The following SNTG1 variants were observed in gnomAD, a reference collection of about 807,000 sequenced individuals.
SNTG1 encodes the protein syntrophin gamma 1.
A neutral mutation model predicts 74.7 loss-of-function variants in SNTG1; 39 were observed. That is an observed-to-expected ratio of 0.52 (90% confidence interval 0.40 to 0.68). The LOEUF (loss-of-function observed/expected upper bound fraction) is 0.68. SNTG1 is among the 30% of genes least tolerant of loss of function. The pLI, the probability that SNTG1 is intolerant of heterozygous loss-of-function variation, is 0.00. For missense variants in SNTG1, 685 were observed against 609.5 expected (o/e 1.12, Z -1.30); for synonymous variants, 254 against 217.1 (o/e 1.17, Z -1.49).
intron 17 of SNTG1, among the ~76,000 whole-genome samples, chr8:50,723,665 C>T (rs12155826): frequency 0.016 from 2,397 of 152,088 alleles, 39 homozygotes; most frequent in Middle Eastern, 0.038. Context: ...ATTGCACGTC[C>T]CCTGCATGCC....
intron 5 of SNTG1, among the ~76,000 whole-genome samples, chr8:50,449,379 A>G (rs1038303259): frequency 6.6e-6 from 1 of 152,242 alleles, no homozygotes; most frequent in Non-Finnish European, 1.5e-5. Context: ...TTTCTATTGG[A>G]TAGCATTGCT....
At position 50,047,468 on chromosome 8, in the gene SNTG1, A is replaced by C. The variant is rs1459902812; in HGVS notation, c.-102-125093A>C. ...GGCTCTATGTAAAATGTGAGAGATA[A>C]AAGTTAGATCCAAGGAAGGACTCAA... On this transcript the variant is annotated intron_variant, in intron 1 of 18. Coordinates refer to ENST00000642720, the MANE Select transcript of SNTG1 (RefSeq NM_018967.5). Among the ~76,000 whole-genome samples the C allele has an allele frequency of 2.0e-5, 3 of 152,172 alleles. No homozygotes were observed. In the South Asian group the frequency reaches 6.2e-4, roughly 32 times the overall value.
At chr8:50,344,283 A>G (rs1397344225) in intron 2 of SNTG1, among the ~76,000 whole-genome samples, 4 of 152,008 alleles carry the variant, frequency 2.6e-5, no homozygotes, top group African/African-American at 9.7e-5. Context: ...ACACAAAAAA[A>G]TAGCGGCTTA....
At chr8:50,573,875 T>G (rs959269615) in intron 12 of SNTG1, among the ~76,000 whole-genome samples, 3 of 151,958 alleles carry the variant, frequency 2.0e-5, no homozygotes, top group African/African-American at 7.2e-5. Flanking sequence ...ATAACTGTTT[T>G]TAAATGTAAG....
At chr8:50,345,619 T>A (rs980471175) in intron 2 of SNTG1, among the ~76,000 whole-genome samples, 1 of 152,246 alleles carries the variant, frequency 6.6e-6, no homozygotes, top group Non-Finnish European at 1.5e-5. Context: ...ATAATTGCAT[T>A]AATCTCCACT....
chr8:50,531,454 A>G (rs1021109995), intron 10 of SNTG1, among the ~76,000 whole-genome samples: 4 of 152,152 alleles, frequency 2.6e-5, no homozygotes, highest in Non-Finnish European at 4.4e-5. Flanking sequence ...AAAAACTTAG[A>G]TATACAACCA....
chr8:50,634,277 G>A (rs1343811000), intron 13 of SNTG1, among the ~76,000 whole-genome samples: 1 of 152,218 alleles, frequency 6.6e-6, no homozygotes, highest in Non-Finnish European at 1.5e-5. Context: ...ACAACTGGCA[G>A]ATTAAAGCCT....
chr8:50,707,794 C>A (rs1050064654), intron 16 of SNTG1: 1 of 312,818 alleles, frequency 3.2e-6, no homozygotes, highest in Non-Finnish European at 5.8e-6. Flanking sequence ...AAATTAAATG[C>A]AAATAAAACT....
intron 8 of SNTG1, among the ~76,000 whole-genome samples, chr8:50,462,723 A>G (rs2093574763): frequency 6.7e-6 from 1 of 149,816 alleles, no homozygotes; most frequent in African/African-American, 2.5e-5. Flanking sequence ...GCTCTTCCAT[A>G]CAAATCAGCT....
At chr8:50,160,175 T>G (rs575388746) in intron 1 of SNTG1, among the ~76,000 whole-genome samples, 1 of 152,288 alleles carries the variant, frequency 6.6e-6, no homozygotes, top group African/African-American at 2.4e-5. Context: ...TGAGAAAAAT[T>G]TACTAATCTT....
chr8:49,995,888 T>C (rs1457986429), intron 1 of SNTG1, among the ~76,000 whole-genome samples: 1 of 152,196 alleles, frequency 6.6e-6, no homozygotes, highest in Non-Finnish European at 1.5e-5. Flanking sequence ...GCCCTAAAGT[T>C]TTTTCTCATT....
chr8:50,005,928 CTT>C (rs1815178858), intron 1 of SNTG1, among the ~76,000 whole-genome samples: 1 of 121,654 alleles, frequency 8.2e-6, no homozygotes, highest in African/African-American at 3.1e-5. Flanking sequence ...ATTTCTGTTA[CTT>C]TACTTTTCAT....
intron 1 of SNTG1, among the ~76,000 whole-genome samples, chr8:50,098,333 G>C (rs765449370): frequency 5.9e-5 from 9 of 152,042 alleles, no homozygotes; most frequent in Admixed American, 5.9e-4. Flanking sequence ...CCTTTGTATC[G>C]CTAGGTTACT....
chr8:50,116,464 T>C (rs2080824646), intron 1 of SNTG1, among the ~76,000 whole-genome samples: 1 of 152,184 alleles, frequency 6.6e-6, no homozygotes, highest in Non-Finnish European at 1.5e-5. Context: ...TTATAATTTT[T>C]AGGAATCCTT....
chr8:50,043,703 G>A (rs1435780526), intron 1 of SNTG1, among the ~76,000 whole-genome samples: 1 of 152,184 alleles, frequency 6.6e-6, no homozygotes, highest in African/African-American at 2.4e-5. Flanking sequence ...TAAAATTAAA[G>A]ATGCTTTGGT....
At chr8:50,199,481 T>G (rs1470646793) in intron 2 of SNTG1, among the ~76,000 whole-genome samples, 1 of 152,140 alleles carries the variant, frequency 6.6e-6, no homozygotes, top group African/African-American at 2.4e-5. Flanking sequence ...CCTCCCAAAG[T>G]GCTGGGATTA....
At chr8:50,531,829 G>C (rs1027375850) in intron 10 of SNTG1, among the ~76,000 whole-genome samples, 3 of 152,182 alleles carry the variant, frequency 2.0e-5, no homozygotes, top group African/African-American at 7.2e-5. Context: ...CTTTGGAGCT[G>C]TTTTGTTCTA....
rs189270692 is a variant in SNTG1, at chr8:50,191,712, T to C, written c.-28+19077T>C. ...TGCATGCAGTAGGTATTTGTGCTAA[T>C]GCTCTACCTCCCCTTTCTCCTCACC... is the stretch of plus-strand genomic sequence containing the variant. On this transcript the variant is annotated intron_variant, in intron 2 of 18. Transcript: ENST00000642720. Among the ~76,000 whole-genome samples the C allele has an allele frequency of 1.3e-3, 192 of 152,206 alleles. 2 individuals are homozygous for C. In the Middle Eastern group the frequency reaches 0.027, roughly 22 times the overall value.
At chr8:49,950,904 G>T (rs1157053344) in intron 1 of SNTG1, among the ~76,000 whole-genome samples, 2 of 152,110 alleles carry the variant, frequency 1.3e-5, no homozygotes, top group Admixed American at 1.3e-4. Flanking sequence ...TCACTATTGT[G>T]ATGCTGTGCA....
Sources: allele counts gnomAD v4.1 joint callset (sites outside exome capture counted in the v4.1 genomes callset), GRCh38; gene constraint gnomAD v4.1.1; transcripts MANE v1.5; gene names NCBI Gene and HGNC (gene_info 2026-07-23, HGNC 2026-07-21).